Variants in GDAP2 observed in about 807,000 individuals in gnomAD.
GDAP2 encodes ganglioside-induced differentiation-associated protein 2.
A neutral mutation model predicts 67.0 loss-of-function variants in GDAP2; 51 were observed. The observed-to-expected ratio is 0.76, with a 90% CI of 0.61 to 0.96. GDAP2 has a LOEUF of 0.96. Ranked by LOEUF, GDAP2 falls within the 40% of genes least tolerant of loss-of-function variation. The pLI, the probability that GDAP2 is intolerant of heterozygous loss-of-function variation, is 0.00. For missense variants in GDAP2, 547 were observed against 588.3 expected (o/e 0.93, Z 0.73); for synonymous variants, 203 against 207.3 (o/e 0.98, Z 0.18).
In GDAP2 at chr1:117,906,545, G is replaced by T; in HGVS notation, c.597C>A (p.Thr199=). The T allele has an allele frequency of 6.3e-7, 1 of 1,579,230 alleles. No individual in the cohort carries two copies. Among genetic ancestry groups the T allele is most frequent in the Non-Finnish European group, 8.7e-7 (1 of 1,151,444 alleles). Residue 199 remains threonine (T), a synonymous_variant, in exon 6 of 14, where the codon ACC becomes ACA. Transcript: ENST00000369443. The part of the protein sequence containing the change: ...VRRFLEIHGE[T]IEKVVFAVSD... The stretch of plus-strand genomic sequence containing the variant: ...AGACAGCAAATACTACTTTTTCAAT[G>T]GTTTCCCCATGAATCTCTAGGAATC...
Position 117,883,535 on chromosome 1 carries a change from G to A in GDAP2, c.1200C>T (p.His400=), listed in dbSNP as rs780894556. The part of the protein sequence containing the change: ...YFHTLTSEYN[H]LDSDFLKKLY... ...GTTTCTTCAGGAAGTCGGAGTCCAG[G>A]TGATTGTATTCGCTGGTCAGGGTGT... Residue 400 remains histidine (H), a synonymous_variant, in exon 11 of 14, where the codon CAC becomes CAT. Transcript: ENST00000369443. 18 of 1,611,912 alleles carry A rather than the reference G, an allele frequency of 1.1e-5. No homozygotes were observed. The Admixed American group carries it at 2.8e-4, about 25-fold the overall frequency.
In GDAP2 at chr1:117,883,624, G is replaced by C. The variant is rs780934017; in HGVS notation, c.1111C>G (p.Leu371Val). Residue 371 changes from leucine to valine, a missense_variant, in exon 11 of 14, where the codon CTC becomes GTC. Physicochemically the swap from Leu to Val is conservative, Grantham distance 32. Transcript: ENST00000369443. ...PVTLIDMDKA[L>V]LYFIHVMDHI... Reference sequence around the variant, plus strand: ...TCCATTACATGAATGAAATATAAGAGAGCCTAAAAGATAAAAGGGGAATAA... The same window carrying C: ...TCCATTACATGAATGAAATATAAGACAGCCTAAAAGATAAAAGGGGAATAA... 11 of 1,595,856 alleles carry C rather than the reference G, an allele frequency of 6.9e-6. No homozygotes were observed. The highest frequency in any genetic ancestry group is 9.4e-6 in the Non-Finnish European group (11 of 1,165,800).
intron 3 of GDAP2, among the ~76,000 whole-genome samples, chr1:117,916,793 G>A (rs1337256714): frequency 6.6e-6 from 1 of 152,192 alleles, no homozygotes; most frequent in East Asian, 1.9e-4. Flanking sequence ...CAGCACATTG[G>A]GAGGCCGAGG....
At chr1:117,871,989 T>G (rs1223429019) in intron 13 of GDAP2, among the ~76,000 whole-genome samples, 1 of 151,460 alleles carries the variant, frequency 6.6e-6, no homozygotes, top group Non-Finnish European at 1.5e-5. Flanking sequence ...TTAAGCAAAT[T>G]TACAAGAAAA....
intron 6 of GDAP2, among the ~76,000 whole-genome samples, chr1:117,900,272 T>C (rs918542195): frequency 6.6e-6 from 1 of 152,096 alleles, no homozygotes; most frequent in Non-Finnish European, 1.5e-5. Context: ...TACACCACCA[T>C]ACCCAGTTTC....
intron 5 of GDAP2, among the ~76,000 whole-genome samples, chr1:117,910,995 T>C (rs1330417720): frequency 6.6e-6 from 1 of 152,208 alleles, no homozygotes; most frequent in Admixed American, 6.5e-5. Context: ...TTTATGACAA[T>C]ATCCCAAAGA....
chr1:117,883,556 G>C lies in GDAP2; in HGVS notation c.1179C>G (p.Thr393=). 6.2e-7 allele frequency: 1 copy of C among 1,606,588 alleles called. No individual in the cohort carries two copies. Among genetic ancestry groups the C allele is most frequent in the Non-Finnish European group, 8.5e-7 (1 of 1,173,530 alleles). Residue 393 remains threonine, a synonymous_variant, in exon 11 of 14, where the codon ACC becomes ACG. Transcript: ENST00000369443. ...CCAGGTGATTGTATTCGCTGGTCAG[G>C]GTGTGAAAATACACTAATACATACT... is the stretch of plus-strand genomic sequence containing the variant. ...VKEYVLVYFH[T]LTSEYNHLDS...
At chr1:117,908,828 A>T (rs913678780) in intron 5 of GDAP2, among the ~76,000 whole-genome samples, 58 of 148,182 alleles carry the variant, frequency 3.9e-4, no homozygotes, top group African/African-American at 7.9e-4. Context: ...CTATCTCAAA[A>T]AAATAAATAA....
intron 10 of GDAP2, among the ~76,000 whole-genome samples, chr1:117,884,763 T>C (rs1648787457): frequency 6.6e-6 from 1 of 151,822 alleles, no homozygotes; most frequent in South Asian, 2.1e-4. Context: ...ACATAAATGA[T>C]TACAAACAGA....
Position 117,883,641 on chromosome 1 carries a change from G to T in GDAP2, c.1108-14C>A. 6.3e-7 allele frequency: 1 copy of T among 1,579,378 alleles called. No individual in the cohort carries two copies. The highest frequency in any genetic ancestry group is 1.1e-5 in the South Asian group (1 of 88,386). On this transcript the variant is annotated splice_polypyrimidine_tract_variant and intron_variant, in intron 10 of 13. Transcript: ENST00000369443. ...ATATAAGAGAGCCTAAAAGATAAAAGGGGAATAAAGGTGAAGATCATTTTG... is the reference window on the plus strand; with the variant it reads ...ATATAAGAGAGCCTAAAAGATAAAATGGGAATAAAGGTGAAGATCATTTTG...
At chr1:117,877,755 G>A (rs1648513556) in intron 13 of GDAP2, 6 of 1,190,674 alleles carry the variant, frequency 5.0e-6, no homozygotes, top group Non-Finnish European at 1.0e-6. Context: ...CAATACAAAC[G>A]AAAATTGGTT....
chr1:117,912,588 G>C lies in GDAP2; in HGVS notation c.412C>G (p.Arg138Gly). 1.2e-5 allele frequency: 20 copies of C among 1,613,076 alleles called. No individual in the cohort carries two copies. Among genetic ancestry groups the C allele is most frequent in the Non-Finnish European group, 1.7e-5 (20 of 1,179,092 alleles). The change falls in exon 4 of 14, where the codon CGC becomes GGC. Residue 138 changes from arginine to glycine, a missense_variant. Transcript: ENST00000369443. ...TAAAGGGAACTCTCAGCTGCTGTGC[G>C]ATAGCGGCTTTTATATTTAGGTCCC... ...TVGPKYKSRY[R>G]TAAESSLYSC...
At chr1:117,910,256 TTTTA>T (rs1028724346) in intron 5 of GDAP2, among the ~76,000 whole-genome samples, 21 of 150,780 alleles carry the variant, frequency 1.4e-4, no homozygotes, top group African/African-American at 5.2e-4. Context: ...TTCTGAGACC[TTTTA>T]TTTGTACAAC....
chr1:117,889,362 G>C (rs545905900), intron 8 of GDAP2, among the ~76,000 whole-genome samples: 22 of 150,834 alleles, frequency 1.5e-4, no homozygotes, highest in African/African-American at 5.1e-4. Flanking sequence ...ATCAATTTTC[G>C]GGTATACAAC....
rs1251836871 is a variant in GDAP2 at position 117,868,434 on chromosome 1, G to T, written c.*2135C>A. 6.6e-6 allele frequency: 1 copy of T among 152,130 alleles called. No homozygotes were observed. Among genetic ancestry groups the T allele is most frequent in the Non-Finnish European group, 1.5e-5 (1 of 68,028 alleles). 9.4% of individuals were successfully genotyped at this position (152,130 alleles called of 1,614,324 possible). A position where few individuals can be genotyped will look rare whatever the true frequency, so the allele number is the denominator to read the frequency against. The stretch of plus-strand genomic sequence containing the variant: ...TCTCAGCATATGTAGAATCCTGCTT[G>T]TGTTACTAAACATTAATATACTGGT... On this transcript the variant is annotated 3_prime_UTR_variant, in exon 14 of 14. Transcript: ENST00000369443.
rs1334944487 is a variant in GDAP2 at position 117,901,070 on chromosome 1, TAATA to T, written c.637-1858_637-1855del. ...GTGAGACTCCGTCTCAAAAAATAAATAATAAATAAAAATAAAAATGGAATACAGT... is the reference window on the plus strand; with the variant it reads ...GTGAGACTCCGTCTCAAAAAATAAATAATAAAAATAAAAATGGAATACAGT... On this transcript the variant is annotated intron_variant, in intron 6 of 13. Transcript: ENST00000369443. 5.3e-5 allele frequency among the ~76,000 whole-genome samples: 8 copies of T among 152,186 alleles called. No homozygotes were observed. The East Asian group carries it at 1.4e-3, about 26-fold the overall frequency.
In GDAP2 at chr1:117,865,616, G is replaced by A. The variant is rs1311828058; in HGVS notation, c.*4953C>T. 6.6e-6 allele frequency: 1 copy of A among 152,050 alleles called. No homozygotes were observed. Among genetic ancestry groups the A allele is most frequent in the Non-Finnish European group, 1.5e-5 (1 of 68,002 alleles). The allele number at this position is 152,050 out of a possible 1,614,324, so 9.4% of individuals were successfully genotyped here. ...CATTACAAAAAAAAAAGGTATGACT[G>A]TGTATATAAAATGTATTAGCTTTAC... On this transcript the variant is annotated 3_prime_UTR_variant, in exon 14 of 14. Transcript: ENST00000369443.
At chr1:117,898,518 A>C (rs545189052) in intron 7 of GDAP2, among the ~76,000 whole-genome samples, 1 of 152,288 alleles carries the variant, frequency 6.6e-6, no homozygotes, top group South Asian at 2.1e-4. Context: ...CTTGTGAGGC[A>C]TATCTCCACA....
In GDAP2 at chr1:117,864,329, T is replaced by C. The variant is rs1490456603; in HGVS notation, c.*6240A>G. On this transcript the variant is annotated 3_prime_UTR_variant, in exon 14 of 14. Coordinates refer to ENST00000369443, the MANE Select transcript of GDAP2 (RefSeq NM_017686.4). ...GGCTTATGGAGAACAGAGGCTGTTT[T>C]AATAGGGGAATGATGGATTCAGGCT... 1 of 152,192 alleles carries C rather than the reference T, an allele frequency of 6.6e-6. No homozygotes were observed. The highest frequency in any genetic ancestry group is 1.5e-5 in the Non-Finnish European group (1 of 68,040). 9.4% of individuals were successfully genotyped at this position (152,192 alleles called of 1,614,324 possible).
Sources: gnomAD v4.1 joint callset for allele counts (sites outside exome capture counted in the v4.1 genomes callset) on GRCh38, gnomAD v4.1.1 for gene constraint, MANE v1.5 for transcripts, NCBI Gene and HGNC (gene_info 2026-07-23, HGNC 2026-07-21) for gene names.